Variants in SIPA1L2 observed in about 807,000 individuals in gnomAD.
SIPA1L2 encodes signal-induced proliferation-associated 1-like protein 2.
SIPA1L2 carries 56 observed loss-of-function variants against 163.9 expected under a neutral mutation model. The ratio of observed to expected loss-of-function variants is 0.34; its 90% CI spans 0.28 to 0.43. The LOEUF is 0.43. Ranked by LOEUF, SIPA1L2 falls within the 20% of genes least tolerant of loss-of-function variation. The pLI is 1.00. For missense variants in SIPA1L2, 1,974 were observed against 2,193.5 expected, an observed-to-expected ratio of 0.90 and a Z score of 2.00; for synonymous variants, 877 against 865.7, an observed-to-expected ratio of 1.01 and a Z score of -0.23.
At chr1:232,401,616 C>T (rs1324463811) in intron 22 of SIPA1L2, among the ~76,000 whole-genome samples, 1 of 152,222 alleles carries the variant, frequency 6.6e-6, no homozygotes, top group Non-Finnish European at 1.5e-5. Flanking sequence ...ACTCTGGTAA[C>T]TATGTATGAG....
chr1:232,605,650 C>T (rs549773184), intron 1 of SIPA1L2, among the ~76,000 whole-genome samples: 6 of 152,144 alleles, frequency 3.9e-5, no homozygotes, highest in Middle Eastern at 3.4e-3. Context: ...GCCAAGATCG[C>T]GCCACTGCAC....
At chr1:232,611,517 CAAAG>C (rs1261571129) in intron 1 of SIPA1L2, among the ~76,000 whole-genome samples, 1 of 152,090 alleles carries the variant, frequency 6.6e-6, no homozygotes, top group African/African-American at 2.4e-5. Context: ...GAAGCGATCT[CAAAG>C]GAAGATGAGG....
chr1:232,457,703 A>G (rs1033509389), intron 10 of SIPA1L2, among the ~76,000 whole-genome samples: 2 of 152,224 alleles, frequency 1.3e-5, no homozygotes, highest in Non-Finnish European at 2.9e-5. Flanking sequence ...AAAGGAGTGA[A>G]GTGCTACCCA....
rs1343257846 is a variant in SIPA1L2 at position 232,568,865 on chromosome 1, C to A, written c.-270+5309G>T. 9.8e-5 allele frequency among the ~76,000 whole-genome samples: 15 copies of A among 152,336 alleles called. No homozygotes were observed. In the East Asian group the frequency reaches 2.9e-3, roughly 29 times the overall value. ...CCTGGAGGACACACAGATCCACAGTCATCTCAGCTCACTAGTATTCTCCCA... is the reference window on the plus strand; with the variant it reads ...CCTGGAGGACACACAGATCCACAGTAATCTCAGCTCACTAGTATTCTCCCA... On this transcript the variant is annotated intron_variant, in intron 2 of 22. Transcript: ENST00000674635.
intron 15 of SIPA1L2, 71 bp from the exon 16 acceptor site, chr1:232,432,542 G>A (rs1427454743): frequency 6.9e-7 from 1 of 1,446,276 alleles, no homozygotes; most frequent in Admixed American, 1.8e-5. Flanking sequence ...GCCAAATTCA[G>A]AGCCACAAGG....
chr1:232,566,947 GATAAT>G (rs1292078045), intron 2 of SIPA1L2, among the ~76,000 whole-genome samples: 2 of 152,164 alleles, frequency 1.3e-5, no homozygotes, highest in Non-Finnish European at 2.9e-5. Flanking sequence ...ACATATAGAA[GATAAT>G]ATAATTGTAC....
intron 6 of SIPA1L2, among the ~76,000 whole-genome samples, chr1:232,480,039 C>T (rs1665246247): frequency 6.6e-6 from 1 of 152,060 alleles, no homozygotes; most frequent in Non-Finnish European, 1.5e-5. Flanking sequence ...AGTGTTTTTG[C>T]CACCAAGTGC....
intron 5 of SIPA1L2, among the ~76,000 whole-genome samples, chr1:232,485,203 A>G (rs1213300274): frequency 6.6e-6 from 1 of 152,218 alleles, no homozygotes; most frequent in Non-Finnish European, 1.5e-5. Context: ...AAAAGGAAAT[A>G]TCACCTGTTT....
chr1:232,457,689 T>C (rs781052649), intron 10 of SIPA1L2, among the ~76,000 whole-genome samples: 1 of 152,148 alleles, frequency 6.6e-6, no homozygotes, highest in Non-Finnish European at 1.5e-5. Flanking sequence ...TATTTTAAAT[T>C]TTAAAAGGAG....
intron 17 of SIPA1L2, 152 bp from the exon 18 acceptor site, chr1:232,425,960 G>A: frequency 1.5e-6 from 1 of 666,666 alleles, no homozygotes; most frequent in Non-Finnish European, 2.5e-6. Flanking sequence ...CAGCATGCAG[G>A]GGATCAAGGC....
At chr1:232,481,966 C>T (rs1665384256) in intron 6 of SIPA1L2, among the ~76,000 whole-genome samples, 1 of 152,188 alleles carries the variant, frequency 6.6e-6, no homozygotes, top group African/African-American at 2.4e-5. Flanking sequence ...CCTCGAAAGA[C>T]ATAATTTTTA....
chr1:232,399,161 T>C lies in SIPA1L2; in HGVS notation c.5135A>G (p.Glu1712Gly), dbSNP rs765816042. Residue 1712 changes from glutamate (E) to glycine (G), a missense_variant, in exon 23 of 23, where the codon GAA (glutamate) becomes GGA (glycine). Physicochemically the swap from Glu to Gly is moderately conservative, Grantham distance 98. This residue lies in a region of SIPA1L2 where 1,079 missense variants were observed against 1,150.7 expected (regional missense o/e 0.94). Coordinates refer to ENST00000674635, the MANE Select transcript of SIPA1L2 (RefSeq NM_020808.5). Reference sequence around the variant, plus strand: ...TTTGTCGATGGTGGTGAAAAACCATTCTGTGAATTTCCGCAGCTGAGCTGT... The same window carrying C: ...TTTGTCGATGGTGGTGAAAAACCATCCTGTGAATTTCCGCAGCTGAGCTGT... The part of the protein sequence containing the change: ...TATAQLRKFT[E>G]WFFTTIDKKS 6.2e-7 allele frequency: 1 copy of C among 1,614,002 alleles called. No homozygotes were observed. The highest frequency in any genetic ancestry group is 1.1e-5 in the South Asian group (1 of 91,076).
chr1:232,563,288 G>A (rs904584590), intron 2 of SIPA1L2, among the ~76,000 whole-genome samples: 1 of 152,206 alleles, frequency 6.6e-6, no homozygotes, highest in African/African-American at 2.4e-5. Flanking sequence ...CTAAGCTCTT[G>A]TGGTCACCTC....
intron 1 of SIPA1L2, among the ~76,000 whole-genome samples, chr1:232,585,048 T>A (rs988070857): frequency 6.6e-6 from 1 of 152,240 alleles, no homozygotes; most frequent in African/African-American, 2.4e-5. Flanking sequence ...ATTATATATC[T>A]CCTCAATTGG....
At chr1:232,613,707 T>G (rs2102878021) in intron 1 of SIPA1L2, among the ~76,000 whole-genome samples, 1 of 152,306 alleles carries the variant, frequency 6.6e-6, no homozygotes, top group South Asian at 2.1e-4. Flanking sequence ...TTTATGTGTG[T>G]GCGTGTGTGT....
At chr1:232,622,800 G>T (rs950402233) in intron 1 of SIPA1L2, among the ~76,000 whole-genome samples, 19 of 152,178 alleles carry the variant, frequency 1.2e-4, no homozygotes, top group African/African-American at 4.3e-4. Context: ...GGTATAAACT[G>T]TTGTTCAAGA....
At chr1:232,529,584 T>G (rs1667875593) in intron 2 of SIPA1L2, among the ~76,000 whole-genome samples, 1 of 152,186 alleles carries the variant, frequency 6.6e-6, no homozygotes, top group Admixed American at 6.5e-5. Context: ...TGCTAAGATT[T>G]CCTGCTGTTG....
intron 3 of SIPA1L2, among the ~76,000 whole-genome samples, chr1:232,510,532 C>CATTCA (rs1477325134): frequency 5.9e-5 from 9 of 152,194 alleles, no homozygotes; most frequent in Middle Eastern, 3.2e-3. Flanking sequence ...ATTTATTTCA[C>CATTCA]ATTCAAACCT....
intron 2 of SIPA1L2, among the ~76,000 whole-genome samples, chr1:232,565,945 C>A (rs547131904): frequency 6.6e-6 from 1 of 152,304 alleles, no homozygotes; most frequent in South Asian, 2.1e-4. Flanking sequence ...TACCCTCCCA[C>A]TGAAATAGAC....
Sources: gnomAD v4.1 joint callset for allele counts (sites outside exome capture counted in the v4.1 genomes callset) on GRCh38, gnomAD v4.1.1 for gene constraint, gnomAD v4.1.1 regional missense constraint, MANE v1.5 for transcripts, NCBI Gene and HGNC (gene_info 2026-07-23, HGNC 2026-07-21) for gene names.